Variants in COL22A1 observed in about 807,000 individuals in gnomAD.
The protein encoded by COL22A1 is collagen type XXII alpha 1 chain.
In COL22A1, 221 loss-of-function variants were observed where a neutral mutation model predicts 248.9. The observed-to-expected ratio is 0.89, with a 90% CI of 0.80 to 0.99. The LOEUF (loss-of-function observed/expected upper bound fraction) is 0.99, where lower values mean the gene tolerates loss of function less well. Ranked by LOEUF, COL22A1 falls within the 50% of genes least tolerant of loss-of-function variation. The pLI is 0.00. For synonymous variants in COL22A1, 891 were observed against 793.4 expected, an observed-to-expected ratio of 1.12 and a Z score of -2.07; for missense variants, 2,240 against 2,179.0, an observed-to-expected ratio of 1.03 and a Z score of -0.56.
At chr8:138,696,272 A>G (rs920429271) in intron 32 of COL22A1, among the ~76,000 whole-genome samples, 3 of 152,166 alleles carry the variant, frequency 2.0e-5, no homozygotes, top group Admixed American at 2.0e-4. Context: ...TTAGGGGGAC[A>G]TCGGGCTCCC....
chr8:138,826,637 T>C (rs766960607), intron 6 of COL22A1, 21 bp downstream of exon 6: 11 of 1,612,800 alleles, frequency 6.8e-6, no homozygotes, highest in Admixed American at 5.0e-5. Context: ...ACCACTGAGA[T>C]AAGGCATCTG....
At chr8:138,783,798 G>C (rs1815262213) in intron 12 of COL22A1, among the ~76,000 whole-genome samples, 1 of 152,182 alleles carries the variant, frequency 6.6e-6, no homozygotes, top group African/African-American at 2.4e-5. Context: ...GTGGAAAAAA[G>C]TGCAGAGTTA....
intron 23 of COL22A1, among the ~76,000 whole-genome samples, chr8:138,731,806 T>A: frequency 6.6e-6 from 1 of 152,298 alleles, no homozygotes; most frequent in South Asian, 2.1e-4. Flanking sequence ...TCAGCTTTCC[T>A]GGATGACATA....
At chr8:138,649,593 G>C (rs1224429531) in intron 46 of COL22A1, 72 bp downstream of exon 46, 1 of 1,551,580 alleles carries the variant, frequency 6.4e-7, no homozygotes, top group Non-Finnish European at 8.7e-7. Context: ...AGGCAGATGG[G>C]GCAATACTGA....
intron 6 of COL22A1, among the ~76,000 whole-genome samples, chr8:138,823,421 T>C (rs955369632): frequency 2.6e-5 from 4 of 152,144 alleles, no homozygotes; most frequent in African/African-American, 9.7e-5. Flanking sequence ...TATTGGCTTT[T>C]TTCTTTTTTC....
At chr8:138,756,851 A>T (rs1262355834) in intron 18 of COL22A1, among the ~76,000 whole-genome samples, 1 of 152,068 alleles carries the variant, frequency 6.6e-6, no homozygotes, top group African/African-American at 2.4e-5. Flanking sequence ...GACCTGGAAA[A>T]ATCACCTCAC....
intron 22 of COL22A1, among the ~76,000 whole-genome samples, chr8:138,742,276 G>A (rs1268661734): frequency 1.3e-5 from 2 of 151,212 alleles, no homozygotes; most frequent in Non-Finnish European, 3.0e-5. Flanking sequence ...TGATGGTGAT[G>A]GAGTTGATGG....
At chr8:138,728,234 T>C (rs1276340914) in intron 23 of COL22A1, among the ~76,000 whole-genome samples, 1 of 151,908 alleles carries the variant, frequency 6.6e-6, no homozygotes, top group Admixed American at 6.6e-5. Flanking sequence ...CTTGCTATAT[T>C]GCACAGGCCG....
chr8:138,688,069 C>T (rs1826506924), intron 37 of COL22A1, among the ~76,000 whole-genome samples: 1 of 152,152 alleles, frequency 6.6e-6, no homozygotes, highest in East Asian at 1.9e-4. Context: ...TTTCCTGAGC[C>T]CTGGCTCAGT....
At chr8:138,721,551 C>A (rs1829872615) in intron 26 of COL22A1, among the ~76,000 whole-genome samples, 1 of 152,132 alleles carries the variant, frequency 6.6e-6, no homozygotes, top group African/African-American at 2.4e-5. Context: ...AGAAGTTTTC[C>A]TCCTTGAAAA....
chr8:138,750,360 GA>G (rs1278397127), intron 22 of COL22A1, among the ~76,000 whole-genome samples: 1 of 152,150 alleles, frequency 6.6e-6, no homozygotes, highest in Non-Finnish European at 1.5e-5. Flanking sequence ...AGGGTTATAG[GA>G]GGCACAGTTC....
chr8:138,854,723 G>A (rs898471606), intron 3 of COL22A1, among the ~76,000 whole-genome samples: 4 of 152,124 alleles, frequency 2.6e-5, no homozygotes, highest in South Asian at 2.1e-4. Context: ...CTTGGCCTCC[G>A]AGACCCCATC....
rs559104436 is a variant in COL22A1, at chr8:138,621,660, C to A, written c.3771+2072G>T. ...AGATGCTTCATTTACCAGCTTTATG[C>A]CCTTGATCAAGCTATTATCCTCTTT... On this transcript the variant is annotated intron_variant, in intron 52 of 64. Coordinates refer to ENST00000303045, the MANE Select transcript of COL22A1 (RefSeq NM_152888.3). Among the ~76,000 whole-genome samples, 15 of 152,258 alleles carry A rather than the reference C, an allele frequency of 9.9e-5. No individual in the cohort carries two copies. In the East Asian group the frequency reaches 2.7e-3, roughly 27 times the overall value.
chr8:138,774,405 CA>C (rs1345869395), intron 16 of COL22A1, among the ~76,000 whole-genome samples: 3 of 148,434 alleles, frequency 2.0e-5, no homozygotes, highest in African/African-American at 7.4e-5. Context: ...AAATGCTCAC[CA>C]AAAGCATTCT....
chr8:138,809,165 G>A (rs1016664372), intron 9 of COL22A1, among the ~76,000 whole-genome samples: 1 of 152,106 alleles, frequency 6.6e-6, no homozygotes, highest in Non-Finnish European at 1.5e-5. Flanking sequence ...GCTATTTTGT[G>A]GGGAGGGAAG....
rs369052026 is a variant in COL22A1, at chr8:138,768,516, A to C, written c.1804-6050T>G. On this transcript the variant is annotated intron_variant, in intron 16 of 64. Coordinates refer to ENST00000303045, the MANE Select transcript of COL22A1 (RefSeq NM_152888.3). ...TTTGACAAGAACTCAAACCCCTAGC[A>C]ATCACAACGGACTCGTTTATTAAAT... 4.3e-4 allele frequency among the ~76,000 whole-genome samples: 66 copies of C among 152,328 alleles called. No homozygotes were observed. In the East Asian group the frequency reaches 5.2e-3, roughly 12 times the overall value.
At chr8:138,612,712 A>G (rs758345979) in intron 56 of COL22A1, among the ~76,000 whole-genome samples, 13 of 151,924 alleles carry the variant, frequency 8.6e-5, no homozygotes, top group Non-Finnish European at 1.8e-4. Flanking sequence ...AGATCACTTG[A>G]GGTCAGGAGT....
chr8:138,589,592 G>C (rs1265271368), intron 64 of COL22A1, 152 bp from the exon 65 acceptor site: 1 of 571,730 alleles, frequency 1.7e-6, no homozygotes, highest in Non-Finnish European at 2.9e-6. Flanking sequence ...TGAGCAACTA[G>C]AGTGGTCCAC....
chr8:138,778,404 C>T lies in COL22A1; in HGVS notation c.1707G>A (p.Gly569=). Residue 569 remains glycine (G), a splice_region_variant and synonymous_variant, in exon 15 of 65, where the codon GGG becomes GGA. Transcript: ENST00000303045. ...PGLPGEVGMR[G]PQGPPGLPGP... is the part of the protein sequence containing the mutation. ...CGGGGAGTCCAGGTGGTCCTTGGGG[C>T]CCCTGCAGAAGAGCATTTACAGAGT... The T allele has an allele frequency of 1.9e-6, 3 of 1,599,988 alleles. No homozygotes were observed. The highest frequency in any genetic ancestry group is 2.6e-6 in the Non-Finnish European group (3 of 1,175,592).
Sources: allele counts gnomAD v4.1 joint callset (sites outside exome capture counted in the v4.1 genomes callset), GRCh38; gene constraint gnomAD v4.1.1; transcripts MANE v1.5; gene names NCBI Gene and HGNC (gene_info 2026-07-23, HGNC 2026-07-21).